The following NCOR2 variants were observed in gnomAD, a reference collection of about 807,000 sequenced individuals.
NCOR2 encodes CTG repeat protein 26.
A neutral mutation model predicts 262.9 loss-of-function variants in NCOR2; 81 were observed. That is an observed-to-expected ratio of 0.31 (90% confidence interval 0.26 to 0.37). The LOEUF (loss-of-function observed/expected upper bound fraction) is 0.37. Ranked by LOEUF, NCOR2 falls within the 10% of genes least tolerant of loss-of-function variation. NCOR2 has a pLI of 1.00. For missense variants in NCOR2, 3,385 were observed against 3,621.4 expected (o/e 0.93, Z 1.68); for synonymous variants, 1,659 against 1,559.3 (o/e 1.06, Z -1.51).
At chr12:124,499,715 C>T (rs971794515), upstream of NCOR2, among the ~76,000 whole-genome samples, 6 of 152,142 alleles carry the variant, frequency 3.9e-5, no homozygotes, top group African/African-American at 1.4e-4. Flanking sequence ...GGGACAGAGT[C>T]ATTCAGGGCC....
At chr12:124,341,601 C>T (rs952453156) in intron 34 of NCOR2, among the ~76,000 whole-genome samples, 3 of 152,200 alleles carry the variant, frequency 2.0e-5, no homozygotes, top group African/African-American at 7.2e-5. Context: ...GCACGCACAC[C>T]CACTGAGGAT....
intron 16 of NCOR2, chr12:124,388,898 G>C: frequency 1.3e-6 from 1 of 777,154 alleles, no homozygotes; most frequent in South Asian, 1.9e-5. Context: ...GGGAGGGAGC[G>C]AGGGAGGGAG....
intron 5 of NCOR2, among the ~76,000 whole-genome samples, chr12:124,461,340 T>C (rs1337472075): frequency 1.3e-5 from 2 of 152,216 alleles, no homozygotes; most frequent in African/African-American, 4.8e-5. Flanking sequence ...CTCAAGCCAA[T>C]GAGCGGCCCC....
intron 1 of NCOR2, among the ~76,000 whole-genome samples, chr12:124,509,574 T>C (rs1198088129): frequency 6.6e-6 from 1 of 152,122 alleles, no homozygotes; most frequent in African/African-American, 2.4e-5. Context: ...TTCCACCCGC[T>C]AGGTCCCTTA....
chr12:124,382,033 C>T (rs1278787981), intron 17 of NCOR2, among the ~76,000 whole-genome samples: 1 of 152,194 alleles, frequency 6.6e-6, no homozygotes, highest in African/African-American at 2.4e-5. Flanking sequence ...CTCTGCTTCC[C>T]CACTCCTTCC....
At chr12:124,535,741 T>A (rs1174231237), upstream of NCOR2, 2 of 152,200 alleles carry the variant, frequency 1.3e-5, no homozygotes, top group African/African-American at 4.8e-5. Flanking sequence ...GGGCCAAGTA[T>A]TTCTCCATGA....
intron 2 of NCOR2, among the ~76,000 whole-genome samples, chr12:124,485,567 C>T (rs2047727785): frequency 6.6e-6 from 1 of 152,196 alleles, no homozygotes; most frequent in South Asian, 2.1e-4. Context: ...TGGCACGTTG[C>T]GACGGCAGGC....
rs966019873 is a variant in NCOR2 at position 124,531,593 on chromosome 12, G to C, written c.-118+3972C>G. 1.3e-5 allele frequency among the ~76,000 whole-genome samples: 2 copies of C among 151,966 alleles called. No individual in the cohort carries two copies. Among genetic ancestry groups the C allele is most frequent in the Admixed American group, 6.6e-5 (1 of 15,264 alleles). ...CTGAGCATCCAGGCTGGGAAGGAGA[G>C]AGAGGAGGATGGCAGAGAGGGAAGG... On this transcript the variant is annotated intron_variant, in intron 1 of 46. Coordinates refer to the NCOR2 transcript ENST00000404621. This position sits in a 1 kb window ranked among gnomAD's most constrained non-coding sequence, Gnocchi z 4.5.
intron 18 of NCOR2, among the ~76,000 whole-genome samples, chr12:124,375,681 C>T (rs1234685996): frequency 2.0e-5 from 3 of 152,194 alleles, no homozygotes; most frequent in African/African-American, 7.2e-5. Flanking sequence ...TGGGTTTGAA[C>T]CCCGGTCACC....
chr12:124,411,175 G>C (rs576556331), intron 13 of NCOR2, among the ~76,000 whole-genome samples: 2 of 152,076 alleles, frequency 1.3e-5, no homozygotes, highest in Admixed American at 6.5e-5. Flanking sequence ...AAACAGACGA[G>C]ACGTGGACAC....
intron 16 of NCOR2, 59 bp downstream of exon 18, chr12:124,398,060 G>A (rs973385669): frequency 5.6e-6 from 9 of 1,597,790 alleles, no homozygotes; most frequent in Admixed American, 1.7e-5. Flanking sequence ...CCCAGCACGT[G>A]AGCTTCAGGC....
chr12:124,378,524 C>T lies in NCOR2; in HGVS notation c.2020-140G>A, dbSNP rs118148371. On this transcript the variant is annotated intron_variant, in intron 17 of 46. Coordinates refer to ENST00000405201, the Ensembl canonical transcript of NCOR2. The surrounding 1 kb of genome is among the most constrained non-coding windows in gnomAD (Gnocchi z 4.2). ...AATGAGGGTGACCGTCCCCCTCACACCCCACCTCGGCAGCCAAGCGTGCCA... is the reference window on the plus strand; with the variant it reads ...AATGAGGGTGACCGTCCCCCTCACATCCCACCTCGGCAGCCAAGCGTGCCA... The T allele has an allele frequency of 0.02, 17,173 of 838,018 alleles. 245 individuals are homozygous for T. Among genetic ancestry groups the T allele is most frequent in the Middle Eastern group, 0.029 (80 of 2,746 alleles). 51.9% of individuals were successfully genotyped at this position (838,018 alleles called of 1,614,324 possible). A position where few individuals can be genotyped will look rare whatever the true frequency, so the allele number is the denominator to read the frequency against.
chr12:124,413,285 T>A (rs537681167), intron 13 of NCOR2, among the ~76,000 whole-genome samples: 1 of 152,306 alleles, frequency 6.6e-6, no homozygotes, highest in Admixed American at 6.5e-5. Context: ...CTCTGCAGCG[T>A]GGAATCAGGG....
At position 124,517,930 on chromosome 12, in the gene NCOR2, G is replaced by A. The variant is rs1935211517; in HGVS notation, c.-118+17635C>T. Among the ~76,000 whole-genome samples, 1 of 152,170 alleles carries A rather than the reference G, an allele frequency of 6.6e-6. No individual in the cohort carries two copies. Among genetic ancestry groups the A allele is most frequent in the Admixed American group, 6.5e-5 (1 of 15,282 alleles). On this transcript the variant is annotated intron_variant, in intron 1 of 46. Transcript: ENST00000404621. This position sits in a 1 kb window ranked among gnomAD's most constrained non-coding sequence, Gnocchi z 7.6. ...AGCTGCCCCCATTGGCTGACCTGCG[G>A]CCGGCCACTCAGCCCCCAGCCCTGG...
At chr12:124,346,437 G>A (rs1355738551) in intron 31 of NCOR2, 127 bp downstream of exon 33, 1 of 1,041,288 alleles carries the variant, frequency 9.6e-7, no homozygotes, top group Non-Finnish European at 1.3e-6. Context: ...ATGAGCAGCT[G>A]GGTGACTGTA....
At chr12:124,472,886 C>A in intron 4 of NCOR2, 66 bp downstream of exon 6, 1 of 1,596,828 alleles carries the variant, frequency 6.3e-7, no homozygotes, top group Non-Finnish European at 8.6e-7. Context: ...GTCTGTGACA[C>A]CGCTGTCACT....
intron 16 of NCOR2, among the ~76,000 whole-genome samples, chr12:124,391,662 CTT>C (rs1489320602): frequency 1.3e-5 from 2 of 152,226 alleles, no homozygotes; most frequent in African/African-American, 4.8e-5. Context: ...CCTCCCCACT[CTT>C]TTCTCTCCAT....
chr12:124,325,378 C>CCGGGGGGG, exon 47 of NCOR2: 1 of 232,298 alleles, frequency 4.3e-6, no homozygotes. Flanking sequence ...CCTGACACCG[C>CCGGGGGGG]CCCCCCCCCC....
chr12:124,408,135 A>T (rs2136228812), intron 13 of NCOR2, among the ~76,000 whole-genome samples: 1 of 152,258 alleles, frequency 6.6e-6, no homozygotes, highest in East Asian at 1.9e-4. Context: ...CCGGCGGATC[A>T]TGAGGTCAGG....
Sources: allele counts gnomAD v4.1 joint callset (sites outside exome capture counted in the v4.1 genomes callset), GRCh38; gene constraint gnomAD v4.1.1; non-coding constraint Gnocchi (gnomAD v3.1); transcripts MANE v1.5; gene names NCBI Gene and HGNC (gene_info 2026-07-23, HGNC 2026-07-21).